The following SMARCC1 variants were observed in gnomAD, a reference collection of about 807,000 sequenced individuals.
The protein encoded by SMARCC1 is SWI/SNF related BAF chromatin remodeling complex subunit C1.
In SMARCC1, 43 loss-of-function variants were observed where a neutral mutation model predicts 147.4. That is an observed-to-expected ratio of 0.29 (90% CI 0.23 to 0.38). The LOEUF (loss-of-function observed/expected upper bound fraction) is 0.38. SMARCC1 is among the 10% of genes least tolerant of loss of function. SMARCC1 has a pLI of 1.00. For missense variants in SMARCC1, 1,119 were observed against 1,381.1 expected (o/e 0.81, Z 3.01); for synonymous variants, 495 against 484.4 (o/e 1.02, Z -0.29).
intron 11 of SMARCC1, among the ~76,000 whole-genome samples, chr3:47,698,847 A>G (rs2033885419): frequency 6.6e-6 from 1 of 152,148 alleles, no homozygotes; most frequent in Admixed American, 6.6e-5. Flanking sequence ...TATTAAGTAC[A>G]ATGAGATGGT....
chr3:47,620,222 G>A (rs1481459437), intron 25 of SMARCC1, among the ~76,000 whole-genome samples: 1 of 152,106 alleles, frequency 6.6e-6, no homozygotes, highest in Non-Finnish European at 1.5e-5. Context: ...TACCACTTTG[G>A]GAGGCTGAGG....
intron 25 of SMARCC1, among the ~76,000 whole-genome samples, chr3:47,621,812 A>G (rs1300438241): frequency 6.6e-6 from 1 of 150,628 alleles, no homozygotes; most frequent in East Asian, 1.9e-4. Flanking sequence ...ATAAAAATTA[A>G]AACTTTAAAA....
intron 25 of SMARCC1, among the ~76,000 whole-genome samples, chr3:47,616,875 C>T (rs2032652478): frequency 6.6e-6 from 1 of 152,142 alleles, no homozygotes. Context: ...AAACCTATTG[C>T]TATTTAAACC....
At chr3:47,634,455 A>G (rs2032941881) in intron 24 of SMARCC1, among the ~76,000 whole-genome samples, 2 of 152,218 alleles carry the variant, frequency 1.3e-5, no homozygotes, top group African/African-American at 2.4e-5. Flanking sequence ...ATCTTTATTA[A>G]AAGATCAAAA....
chr3:47,591,122 C>CA (rs1176583853), intron 26 of SMARCC1, among the ~76,000 whole-genome samples: 1 of 152,164 alleles, frequency 6.6e-6, no homozygotes, highest in African/African-American at 2.4e-5. Context: ...ATAAAGCACT[C>CA]ACTCTGGTTA....
At position 47,622,997 on chromosome 3, in the gene SMARCC1, C is replaced by T. The variant is rs563228153; in HGVS notation, c.2647-656G>A. Reference sequence around the variant, plus strand: ...ACATTACTTATATCTGCTTAAGACCCTAACTACTAGCTAGTAATCAATCCC... The same window carrying T: ...ACATTACTTATATCTGCTTAAGACCTTAACTACTAGCTAGTAATCAATCCC... On this transcript the variant is annotated intron_variant, in intron 24 of 27. Coordinates refer to ENST00000254480, the MANE Select transcript of SMARCC1 (RefSeq NM_003074.4). Among the ~76,000 whole-genome samples, 34 of 152,266 alleles carry T rather than the reference C, an allele frequency of 2.2e-4. No individual in the cohort carries two copies. In the East Asian group the frequency reaches 6.4e-3, roughly 28 times the overall value.
At position 47,633,042 on chromosome 3, in the gene SMARCC1, G is replaced by A. The variant is rs150056746; in HGVS notation, c.2646+2148C>T. On this transcript the variant is annotated intron_variant, in intron 24 of 27. Coordinates refer to ENST00000254480, the MANE Select transcript of SMARCC1 (RefSeq NM_003074.4). Reference sequence around the variant, plus strand: ...GTGATTACTCTCCAGGGAAGGCAAAGTAACTGGAATAAGAGGAAGCTTCTG... The same window carrying A: ...GTGATTACTCTCCAGGGAAGGCAAAATAACTGGAATAAGAGGAAGCTTCTG... Among the ~76,000 whole-genome samples, 143 of 152,130 alleles carry A rather than the reference G, an allele frequency of 9.4e-4. 1 individual carries two copies. The highest frequency in any genetic ancestry group is 3.1e-3 in the African/African-American group (127 of 41,506).
chr3:47,594,356 T>C (rs180724316), intron 26 of SMARCC1, among the ~76,000 whole-genome samples: 1 of 152,324 alleles, frequency 6.6e-6, no homozygotes, highest in East Asian at 1.9e-4. Flanking sequence ...GAAAATAACT[T>C]GGTCAAATCA....
At chr3:47,745,038 C>T (rs1210016581) in intron 3 of SMARCC1, among the ~76,000 whole-genome samples, 1 of 152,042 alleles carries the variant, frequency 6.6e-6, no homozygotes, top group Non-Finnish European at 1.5e-5. Context: ...AAGGTCAAGG[C>T]AGGTAGATCG....
At chr3:47,713,494 C>T (rs1468547945) in intron 8 of SMARCC1, among the ~76,000 whole-genome samples, 1 of 152,178 alleles carries the variant, frequency 6.6e-6, no homozygotes, top group African/African-American at 2.4e-5. Flanking sequence ...GTTGCAATCA[C>T]GGCTCACTGC....
At chr3:47,599,839 C>G (rs1234921214) in intron 26 of SMARCC1, among the ~76,000 whole-genome samples, 14 of 152,192 alleles carry the variant, frequency 9.2e-5, no homozygotes, top group Admixed American at 9.2e-4. Context: ...AATAATCTGG[C>G]AAAGAGGAGC....
intron 21 of SMARCC1, among the ~76,000 whole-genome samples, 186 bp downstream of exon 21, chr3:47,661,107 TA>T (rs1441190643): frequency 6.6e-6 from 1 of 152,204 alleles, no homozygotes; most frequent in East Asian, 1.9e-4. Flanking sequence ...AGTTACAAGA[TA>T]ATTTTTTAGT....
rs781502809 is a variant in SMARCC1, at chr3:47,618,381, A to T, written c.2781+3826T>A. ...ACATGGCAAGATCTTGTCAATATTTAAAAAAAAAAAAAAAATTAGCTGGGC... is the reference window on the plus strand; with the variant it reads ...ACATGGCAAGATCTTGTCAATATTTTAAAAAAAAAAAAAAATTAGCTGGGC... On this transcript the variant is annotated intron_variant, in intron 25 of 27. Coordinates refer to ENST00000254480, the MANE Select transcript of SMARCC1 (RefSeq NM_003074.4). Among the ~76,000 whole-genome samples the T allele has an allele frequency of 1.7e-3, 230 of 139,006 alleles. 1 individual carries two copies. Among genetic ancestry groups the T allele is most frequent in the Admixed American group, 4.8e-3 (66 of 13,878 alleles). 91.2% of individuals were successfully genotyped at this position (139,006 alleles called of 152,430 possible). A position where few individuals can be genotyped will look rare whatever the true frequency, so the allele number is the denominator to read the frequency against.
intron 24 of SMARCC1, among the ~76,000 whole-genome samples, chr3:47,632,209 G>C (rs1037758831): frequency 6.6e-6 from 1 of 152,152 alleles, no homozygotes; most frequent in African/African-American, 2.4e-5. Flanking sequence ...ATAATCAGTA[G>C]TGTATACCAG....
At chr3:47,778,297 T>TTTTTG (rs199875702) in intron 1 of SMARCC1, among the ~76,000 whole-genome samples, 1 of 151,800 alleles carries the variant, frequency 6.6e-6, no homozygotes, top group South Asian at 2.1e-4. Flanking sequence ...TTGTTTTTGT[T>TTTTTG]TTTTGTTTTG....
chr3:47,678,440 T>C, intron 15 of SMARCC1, 129 bp from the exon 16 acceptor site: 1 of 489,706 alleles, frequency 2.0e-6, no homozygotes, highest in East Asian at 3.3e-5. Flanking sequence ...ATAAAAAACA[T>C]TGATATTATA....
chr3:47,666,303 C>A (rs937121558), intron 19 of SMARCC1, among the ~76,000 whole-genome samples: 8 of 152,188 alleles, frequency 5.3e-5, no homozygotes, highest in Non-Finnish European at 1.2e-4. Context: ...CAAAGCAACT[C>A]CTCTGTACAG....
chr3:47,632,886 G>A (rs189419302), intron 24 of SMARCC1, among the ~76,000 whole-genome samples: 2 of 151,686 alleles, frequency 1.3e-5, no homozygotes, highest in South Asian at 2.1e-4. Flanking sequence ...GAGATAGGGA[G>A]GTTACTGAAG....
At chr3:47,641,559 A>G (rs939382906) in intron 21 of SMARCC1, among the ~76,000 whole-genome samples, 1 of 152,212 alleles carries the variant, frequency 6.6e-6, no homozygotes, top group Non-Finnish European at 1.5e-5. Flanking sequence ...AACTGTCTAC[A>G]TACAAAGATC....
Sources: gnomAD v4.1 joint callset for allele counts (sites outside exome capture counted in the v4.1 genomes callset) on GRCh38, gnomAD v4.1.1 for gene constraint, MANE v1.5 for transcripts, NCBI Gene and HGNC (gene_info 2026-07-23, HGNC 2026-07-21) for gene names.